The following UGGT2 variants were observed in gnomAD, a reference collection of about 807,000 sequenced individuals.
The protein encoded by UGGT2 is UDP-glucose:glycoprotein glucosyltransferase 2.
UGGT2 carries 180 observed loss-of-function variants against 192.1 expected under a neutral mutation model. The observed-to-expected ratio is 0.94, with a 90% CI of 0.83 to 1.06. The LOEUF (loss-of-function observed/expected upper bound fraction) is 1.06. Ranked by LOEUF, UGGT2 falls within the 50% of genes least tolerant of loss-of-function variation. UGGT2 has a pLI of 0.00. For missense variants in UGGT2, 1,849 were observed against 1,795.7 expected (o/e 1.03, Z -0.54); for synonymous variants, 580 against 591.0 (o/e 0.98, Z 0.27).
intron 13 of UGGT2, among the ~76,000 whole-genome samples, chr13:95,949,071 C>G (rs1162103995): frequency 6.6e-6 from 1 of 152,154 alleles, no homozygotes; most frequent in African/African-American, 2.4e-5. Context: ...GCCTCCCCAG[C>G]CATGCTGGGG....
At chr13:96,014,436 T>C (rs754689519) in intron 4 of UGGT2, among the ~76,000 whole-genome samples, 2 of 152,212 alleles carry the variant, frequency 1.3e-5, no homozygotes, top group Non-Finnish European at 2.9e-5. Flanking sequence ...TGACTCAACA[T>C]ATTCTAAATC....
At chr13:95,801,897 C>G in intron 38 of UGGT2, 85 bp from the exon 39 acceptor site, 1 of 1,493,274 alleles carries the variant, frequency 6.7e-7, no homozygotes, top group Non-Finnish European at 9.3e-7. Context: ...TGAGGAAGCA[C>G]CGGTACTGAC....
At chr13:95,868,061 TATC>T (rs1212177116) in intron 29 of UGGT2, among the ~76,000 whole-genome samples, 1 of 152,230 alleles carries the variant, frequency 6.6e-6, no homozygotes, top group East Asian at 1.9e-4. Context: ...TAAAAAGTTC[TATC>T]ATATTTACAA....
intron 7 of UGGT2, among the ~76,000 whole-genome samples, chr13:95,992,177 G>GA (rs774022491): frequency 1.7e-3 from 257 of 149,744 alleles, no homozygotes; most frequent in Admixed American, 4.1e-3. Context: ...TCAAAGAAAA[G>GA]AAAAAAAAAT....
intron 1 of UGGT2, among the ~76,000 whole-genome samples, chr13:96,036,874 C>T (rs1169857813): frequency 6.6e-6 from 1 of 152,056 alleles, no homozygotes; most frequent in Non-Finnish European, 1.5e-5. Context: ...CCCACTGCAG[C>T]CACTTAAGTA....
chr13:95,817,624 A>G (rs932736794), intron 38 of UGGT2, among the ~76,000 whole-genome samples: 3 of 152,224 alleles, frequency 2.0e-5, no homozygotes, highest in Admixed American at 2.0e-4. Context: ...CAATGTAAGT[A>G]TAAAAAATAT....
intron 20 of UGGT2, among the ~76,000 whole-genome samples, chr13:95,925,448 G>C (rs1055944847): frequency 1.3e-5 from 2 of 152,102 alleles, no homozygotes; most frequent in African/African-American, 4.8e-5. Context: ...GTATGTGTAT[G>C]TCTGATCACA....
At chr13:95,882,561 G>T (rs1644389654) in intron 27 of UGGT2, among the ~76,000 whole-genome samples, 1 of 152,170 alleles carries the variant, frequency 6.6e-6, no homozygotes, top group African/African-American at 2.4e-5. Flanking sequence ...AGATGAGCCT[G>T]AGGGGTAGTT....
At chr13:95,947,272 G>C (rs1365673796) in intron 14 of UGGT2, 100 bp from the exon 15 acceptor site, 3 of 1,207,748 alleles carry the variant, frequency 2.5e-6, no homozygotes, top group Non-Finnish European at 3.4e-6. Flanking sequence ...TAGATGGAGA[G>C]AATGTATTAA....
chr13:95,829,279 T>C (rs1886401324), intron 38 of UGGT2, among the ~76,000 whole-genome samples: 1 of 152,204 alleles, frequency 6.6e-6, no homozygotes, highest in African/African-American at 2.4e-5. Flanking sequence ...ATGCCCTCTC[T>C]CGCCACTCCT....
chr13:95,931,545 T>TGGGGG, intron 17 of UGGT2, among the ~76,000 whole-genome samples: 1 of 57,088 alleles, frequency 1.8e-5, no homozygotes, highest in Non-Finnish European at 4.3e-5. Flanking sequence ...CGGGGCAGGG[T>TGGGGG]GGGGTGGGGT....
intron 36 of UGGT2, among the ~76,000 whole-genome samples, chr13:95,843,704 A>G (rs1456526509): frequency 6.6e-6 from 1 of 151,966 alleles, no homozygotes; most frequent in Non-Finnish European, 1.5e-5. Flanking sequence ...TAATTGTTCC[A>G]GCACTGTTTG....
intron 36 of UGGT2, among the ~76,000 whole-genome samples, chr13:95,849,587 T>TTTTTATAAA (rs1888820401): frequency 6.6e-6 from 1 of 151,698 alleles, no homozygotes; most frequent in African/African-American, 2.4e-5. Context: ...AGCATTTAAT[T>TTTTTATAAA]TTTTATAAAT....
chr13:96,010,293 A>C (rs554659308), intron 5 of UGGT2, among the ~76,000 whole-genome samples: 1 of 152,348 alleles, frequency 6.6e-6, no homozygotes, highest in East Asian at 1.9e-4. Context: ...ACACCACGAA[A>C]TACTACACAG....
intron 20 of UGGT2, among the ~76,000 whole-genome samples, chr13:95,922,288 G>A (rs2048869342): frequency 6.6e-6 from 1 of 152,150 alleles, no homozygotes; most frequent in East Asian, 1.9e-4. Flanking sequence ...GTAGACACTG[G>A]GGACTACAAA....
At chr13:95,989,950 T>TA in intron 8 of UGGT2, 23 bp downstream of exon 8, 1 of 1,524,408 alleles carries the variant, frequency 6.6e-7, no homozygotes, top group Non-Finnish European at 9.0e-7. Context: ...AATGCTGTGT[T>TA]AAAGTATCTC....
At position 95,956,695 on chromosome 13, in the gene UGGT2, G is replaced by C. The variant is rs574618664; in HGVS notation, c.1336-7241C>G. On this transcript the variant is annotated intron_variant, in intron 12 of 38. Transcript: ENST00000376747. ...AAATAACAAGAATTGGTGAGGATGT[G>C]GAGAAATGGGAACACTTGTGAACTG... 5.9e-5 allele frequency among the ~76,000 whole-genome samples: 9 copies of C among 152,336 alleles called. No homozygotes were observed. The East Asian group carries it at 1.7e-3, about 29-fold the overall frequency.
At chr13:95,875,845 C>A (rs577015054) in intron 29 of UGGT2, among the ~76,000 whole-genome samples, 12 of 151,844 alleles carry the variant, frequency 7.9e-5, no homozygotes, top group Non-Finnish European at 1.6e-4. Context: ...GATACAGTAA[C>A]CCCTACTCCT....
chr13:95,881,750 G>C (rs905034390), intron 27 of UGGT2, among the ~76,000 whole-genome samples: 3 of 152,106 alleles, frequency 2.0e-5, no homozygotes, highest in Non-Finnish European at 4.4e-5. Context: ...GGAACAGTGT[G>C]AAAATGGTGT....
Sources: allele counts gnomAD v4.1 joint callset (sites outside exome capture counted in the v4.1 genomes callset), GRCh38; gene constraint gnomAD v4.1.1; transcripts MANE v1.5; gene names NCBI Gene and HGNC (gene_info 2026-07-23, HGNC 2026-07-21).